ZC3H12C: variants seen among roughly 807,000 people sequenced by gnomAD.
The protein encoded by ZC3H12C is probable ribonuclease ZC3H12C.
ZC3H12C carries 20 observed loss-of-function variants against 76.3 expected under a neutral mutation model. The ratio of observed to expected loss-of-function variants is 0.26; its 90% CI spans 0.18 to 0.38. The LOEUF is 0.38. Ranked by LOEUF, ZC3H12C falls within the 10% of genes least tolerant of loss-of-function variation. The probability of loss-of-function intolerance (pLI) is 1.00; values close to 1 mark genes in which losing one functional copy is unlikely to be tolerated. For synonymous variants in ZC3H12C, 352 were observed against 399.6 expected (o/e 0.88, Z 1.42); for missense variants, 874 against 1,086.5 (o/e 0.80, Z 2.75).
At chr11:110,147,331 G>C (rs1400088773) in intron 2 of ZC3H12C, among the ~76,000 whole-genome samples, 1 of 152,114 alleles carries the variant, frequency 6.6e-6, no homozygotes, top group African/African-American at 2.4e-5. Context: ...AAAGGCATTT[G>C]AGTCACCGGA....
At chr11:110,122,776 G>T (rs748698591) in intron 1 of ZC3H12C, among the ~76,000 whole-genome samples, 47 of 152,160 alleles carry the variant, frequency 3.1e-4, no homozygotes, top group Admixed American at 1.3e-4. Flanking sequence ...GGTAGGCCAG[G>T]ATAAGCTACG....
At chr11:110,143,929 T>C (rs1862114984) in intron 2 of ZC3H12C, among the ~76,000 whole-genome samples, 1 of 152,214 alleles carries the variant, frequency 6.6e-6, no homozygotes, top group Non-Finnish European at 1.5e-5. Flanking sequence ...ATTAAAGTAA[T>C]AGAAGTTTTA....
At chr11:110,163,505 A>C in intron 5 of ZC3H12C, 126 bp downstream of exon 5, 1 of 652,376 alleles carries the variant, frequency 1.5e-6, no homozygotes, top group Non-Finnish European at 2.4e-6. Flanking sequence ...ATTCCAGATA[A>C]ATTTCAGAAA....
chr11:110,112,999 C>T (rs936114430), intron 1 of ZC3H12C, among the ~76,000 whole-genome samples: 2 of 151,462 alleles, frequency 1.3e-5, no homozygotes. Flanking sequence ...TCGCCCCCCC[C>T]TACCAAAAAA....
chr11:110,164,889 T>C lies in ZC3H12C; in HGVS notation c.1804T>C (p.Ser602Pro). The change falls in exon 6 of 6, where the codon TCA (serine) becomes CCA (proline). Residue 602 changes from serine to proline, a missense_variant. Physicochemically the swap from Ser to Pro is moderately conservative, Grantham distance 74. Coordinates refer to ENST00000278590, the MANE Select transcript of ZC3H12C (RefSeq NM_033390.2). The surrounding 1 kb of genome is among the most constrained non-coding windows in gnomAD (Gnocchi z 5.7). ...MLNAYSNLSL[S>P]GPRSPERRFS... ...GAATGCATACTCAAATCTGAGTCTC[T>C]CAGGCCCACGAAGCCCTGAAAGGCG... 6.2e-7 allele frequency: 1 copy of C among 1,614,022 alleles called. No individual in the cohort carries two copies. The highest frequency in any genetic ancestry group is 8.5e-7 in the Non-Finnish European group (1 of 1,179,888).
Position 110,099,118 on chromosome 11 carries a change from A to G in ZC3H12C, c.21+5686A>G, listed in dbSNP as rs575100360. ...CTAAAAATATTTCTAACGTTGTGTT[A>G]TTTAATCATTCTACTATTTCAGTTA... On this transcript the variant is annotated intron_variant, in intron 1 of 5. Transcript: ENST00000278590. Among the ~76,000 whole-genome samples, 6 of 152,308 alleles carry G rather than the reference A, an allele frequency of 3.9e-5. No homozygotes were observed. The South Asian group carries it at 1.0e-3, about 26-fold the overall frequency.
intron 1 of ZC3H12C, 98 bp downstream of exon 1, chr11:110,093,530 C>CGGGCGG: frequency 1.0e-6 from 1 of 956,384 alleles, no homozygotes; most frequent in Non-Finnish European, 1.3e-6. Flanking sequence ...GCCCGGGCGC[C>CGGGCGG]AGGCGGAGGG....
intron 1 of ZC3H12C, among the ~76,000 whole-genome samples, chr11:110,132,999 TTAAG>T (rs1312757698): frequency 5.3e-5 from 8 of 152,190 alleles, no homozygotes; most frequent in Non-Finnish European, 1.2e-4. Flanking sequence ...TTCTTTCTTC[TTAAG>T]TTTCTCATAG....
chr11:110,155,680 G>C (rs1046728590), intron 3 of ZC3H12C, among the ~76,000 whole-genome samples: 13 of 152,014 alleles, frequency 8.6e-5, no homozygotes, highest in African/African-American at 3.1e-4. Flanking sequence ...TTATTTTTGT[G>C]TGTCTGTCTA....
At chr11:110,093,641 C>T (rs186605771) in intron 1 of ZC3H12C, among the ~76,000 whole-genome samples, 2 of 151,828 alleles carry the variant, frequency 1.3e-5, no homozygotes, top group Admixed American at 6.5e-5. Flanking sequence ...TGGGGCCGAG[C>T]GGAAAGCCCA....
rs531683411 is a variant in ZC3H12C, at chr11:110,112,288, T to G, written c.21+18856T>G. Among the ~76,000 whole-genome samples, 19 of 152,298 alleles carry G rather than the reference T, an allele frequency of 1.2e-4. No homozygotes were observed. The East Asian group carries it at 3.1e-3, about 25-fold the overall frequency. ...ATCTTGGCTCACTGCAGCCTTGACT[T>G]CCCGGGCTCAAGCAATCTTCCCACC... is the stretch of plus-strand genomic sequence containing the variant. On this transcript the variant is annotated intron_variant, in intron 1 of 5. Transcript: ENST00000278590.
chr11:110,129,325 A>C (rs767051937), intron 1 of ZC3H12C, among the ~76,000 whole-genome samples: 1 of 152,194 alleles, frequency 6.6e-6, no homozygotes, highest in Non-Finnish European at 1.5e-5. Context: ...AACAATAATA[A>C]TTTTCAGTTT....
intron 1 of ZC3H12C, among the ~76,000 whole-genome samples, chr11:110,103,873 G>A (rs536368663): frequency 2.2e-4 from 34 of 152,262 alleles, no homozygotes; most frequent in African/African-American, 7.7e-4. Flanking sequence ...AAAGTGCTGG[G>A]ATTACAGGCG....
chr11:110,170,454 A>G lies in ZC3H12C; in HGVS notation c.*4717A>G, dbSNP rs1480691730. Reference sequence around the variant, plus strand: ...TTCTTTAAAAATGATTTTAAAGAAGATAAATATATTGTAATTTCACATGCT... The same window carrying G: ...TTCTTTAAAAATGATTTTAAAGAAGGTAAATATATTGTAATTTCACATGCT... On this transcript the variant is annotated 3_prime_UTR_variant, in exon 6 of 6. Coordinates refer to ENST00000278590, the MANE Select transcript of ZC3H12C (RefSeq NM_033390.2). The G allele has an allele frequency of 6.6e-6, 1 of 152,240 alleles. No individual in the cohort carries two copies. The highest frequency in any genetic ancestry group is 1.5e-5 in the Non-Finnish European group (1 of 68,034). The allele number at this position is 152,240 out of a possible 1,614,324, so 9.4% of individuals were successfully genotyped here. A position where few individuals can be genotyped will look rare whatever the true frequency, so the allele number is the denominator to read the frequency against.
In ZC3H12C at chr11:110,166,709, C is replaced by T. The variant is rs114622708; in HGVS notation, c.*972C>T. ...TGTTTTTAATGAATCTAATTATTCA[C>T]AATGCAACTTTTATATTTAACATAC... On this transcript the variant is annotated 3_prime_UTR_variant, in exon 6 of 6. Coordinates refer to ENST00000278590, the MANE Select transcript of ZC3H12C (RefSeq NM_033390.2). 15 of 152,274 alleles carry T rather than the reference C, an allele frequency of 9.9e-5. No homozygotes were observed. Among genetic ancestry groups the T allele is most frequent in the African/African-American group, 3.6e-4 (15 of 41,548 alleles). The allele number at this position is 152,274 out of a possible 1,614,324, so 9.4% of individuals were successfully genotyped here.
chr11:110,126,545 C>T (rs2134167269), intron 1 of ZC3H12C, among the ~76,000 whole-genome samples: 1 of 151,198 alleles, frequency 6.6e-6, no homozygotes, highest in East Asian at 2.0e-4. Context: ...TATTAAAATA[C>T]CAACAGTTTA....
intron 1 of ZC3H12C, among the ~76,000 whole-genome samples, chr11:110,095,343 ATTAATT>A (rs1273986117): frequency 6.6e-6 from 1 of 152,232 alleles, no homozygotes; most frequent in East Asian, 1.9e-4. Flanking sequence ...TGGTTGCTAC[ATTAATT>A]TTAATTACTA....
chr11:110,102,720 G>A (rs907649418), intron 1 of ZC3H12C, among the ~76,000 whole-genome samples: 2 of 152,106 alleles, frequency 1.3e-5, no homozygotes, highest in Non-Finnish European at 2.9e-5. Flanking sequence ...TTTCATGGAA[G>A]GAAGGGGAAA....
chr11:110,128,839 G>A (rs1476229442), intron 1 of ZC3H12C, among the ~76,000 whole-genome samples: 1 of 131,934 alleles, frequency 7.6e-6, no homozygotes, highest in Non-Finnish European at 1.6e-5. Flanking sequence ...TTTCAGGGCT[G>A]ATATCTTTTT....
Sources: gnomAD v4.1 joint callset for allele counts (sites outside exome capture counted in the v4.1 genomes callset) on GRCh38, gnomAD v4.1.1 for gene constraint, Gnocchi (gnomAD v3.1) non-coding constraint, MANE v1.5 for transcripts, NCBI Gene and HGNC (gene_info 2026-07-23, HGNC 2026-07-21) for gene names.